The following MYO5A variants were observed in gnomAD, a reference collection of about 807,000 sequenced individuals.
MYO5A encodes the protein myosin VA.
A neutral mutation model predicts 249.7 loss-of-function variants in MYO5A; 98 were observed. The observed-to-expected ratio is 0.39, with a 90% CI of 0.33 to 0.46. The LOEUF (loss-of-function observed/expected upper bound fraction) is 0.46. Ranked by LOEUF, MYO5A falls within the 20% of genes least tolerant of loss-of-function variation. MYO5A has a pLI of 0.98. For missense variants in MYO5A, 1,696 were observed against 2,308.8 expected, an observed-to-expected ratio of 0.73 and a Z score of 5.44; for synonymous variants, 778 against 810.6, an observed-to-expected ratio of 0.96 and a Z score of 0.68.
intron 14 of MYO5A, 22 bp downstream of exon 14, chr15:52,387,807 G>A (rs758173619): frequency 1.3e-6 from 2 of 1,509,558 alleles, no homozygotes; most frequent in South Asian, 2.2e-5. Flanking sequence ...TCCTGGATTA[G>A]AGTAAGCCTA....
In MYO5A at chr15:52,336,547, C is replaced by G; in HGVS notation, c.4324G>C (p.Glu1442Gln). 1 of 1,602,030 alleles carries G rather than the reference C, an allele frequency of 6.2e-7. No homozygotes were observed. ...GTCTTATCCTGTTTTTCAAGTTGTTCCATCAAATCCTAAAGATCAAAAAGA... is the reference window on the plus strand; with the variant it reads ...GTCTTATCCTGTTTTTCAAGTTGTTGCATCAAATCCTAAAGATCAAAAAGA... Reference protein sequence around the residue: ...SLYKRMIDLMEQLEKQDKTVR... With the variant: ...SLYKRMIDLMQQLEKQDKTVR... The change falls in exon 34 of 42, where the codon GAA becomes CAA. Residue 1442 changes from glutamate to glutamine, a missense_variant. Glu to Gln is a conservative substitution (Grantham distance 29). This residue lies in a region of MYO5A where 625 missense variants were observed against 908.1 expected (regional missense o/e 0.69). Transcript: ENST00000399233.
intron 5 of MYO5A, among the ~76,000 whole-genome samples, chr15:52,415,529 C>A (rs1328468723): frequency 3.3e-5 from 5 of 152,128 alleles, no homozygotes; most frequent in Admixed American, 3.3e-4. Flanking sequence ...CAGTTACTGT[C>A]TTTTATGAAC....
chr15:52,412,922 T>C (rs959463945), intron 5 of MYO5A, among the ~76,000 whole-genome samples: 1 of 151,274 alleles, frequency 6.6e-6, no homozygotes, highest in Non-Finnish European at 1.5e-5. Context: ...CCAAGGCGGG[T>C]GGATCACCTG....
chr15:52,371,221 C>T (rs564053516), intron 21 of MYO5A, among the ~76,000 whole-genome samples: 13 of 152,188 alleles, frequency 8.5e-5, no homozygotes, highest in Admixed American at 7.9e-4. Flanking sequence ...GAAAATCTTC[C>T]ATCCCATTTC....
intron 19 of MYO5A, among the ~76,000 whole-genome samples, chr15:52,375,713 T>C (rs2041375623): frequency 6.6e-6 from 1 of 152,244 alleles, no homozygotes; most frequent in Non-Finnish European, 1.5e-5. Context: ...ATGGCCCACA[T>C]TGCCAGATTT....
At chr15:52,318,858 C>T (rs527258994) in intron 39 of MYO5A, among the ~76,000 whole-genome samples, 2 of 152,290 alleles carry the variant, frequency 1.3e-5, no homozygotes, top group African/African-American at 4.8e-5. Flanking sequence ...TGGCAGGGTA[C>T]AGACAGGGAG....
intron 18 of MYO5A, among the ~76,000 whole-genome samples, chr15:52,379,071 C>A (rs1328443641): frequency 1.3e-5 from 2 of 152,224 alleles, no homozygotes; most frequent in Non-Finnish European, 2.9e-5. Flanking sequence ...CCTGCTCTTA[C>A]TCCCTCTTAT....
chr15:52,500,112 G>A (rs1262605008), intron 1 of MYO5A, among the ~76,000 whole-genome samples: 1 of 152,056 alleles, frequency 6.6e-6, no homozygotes, highest in African/African-American at 2.4e-5. Flanking sequence ...TTCCATAGTG[G>A]CTGCATTTTA....
At chr15:52,348,035 T>C (rs1337303840) in intron 29 of MYO5A, among the ~76,000 whole-genome samples, 1 of 152,194 alleles carries the variant, frequency 6.6e-6, no homozygotes, top group Admixed American at 6.5e-5. Flanking sequence ...GCAAATGAGG[T>C]AACTTGATCA....
intron 1 of MYO5A, among the ~76,000 whole-genome samples, chr15:52,486,451 C>A (rs1186821837): frequency 6.6e-6 from 1 of 152,180 alleles, no homozygotes; most frequent in African/African-American, 2.4e-5. Flanking sequence ...ACTGTATCTT[C>A]CTTATTCAAA....
At chr15:52,474,395 A>G (rs1476110624) in intron 1 of MYO5A, among the ~76,000 whole-genome samples, 3 of 152,222 alleles carry the variant, frequency 2.0e-5, no homozygotes, top group East Asian at 1.9e-4. Flanking sequence ...TCTCCTGCCT[A>G]ATTGCCCTGG....
At chr15:52,515,697 C>T (rs1412597191) in intron 1 of MYO5A, among the ~76,000 whole-genome samples, 2 of 152,068 alleles carry the variant, frequency 1.3e-5, no homozygotes, top group African/African-American at 4.8e-5. Context: ...GTTTGGGGGG[C>T]TTGTGAAGAT....
chr15:52,478,508 C>T (rs1216461259), intron 1 of MYO5A, among the ~76,000 whole-genome samples: 4 of 152,204 alleles, frequency 2.6e-5, no homozygotes, highest in Non-Finnish European at 2.9e-5. Context: ...GTCGCTCATG[C>T]TGGGAGCTAT....
chr15:52,483,406 T>C (rs992491668), intron 1 of MYO5A, among the ~76,000 whole-genome samples: 4 of 152,134 alleles, frequency 2.6e-5, no homozygotes, highest in African/African-American at 2.4e-5. Context: ...ACCGTGAGTA[T>C]GGCAAGCACT....
At chr15:52,392,487 C>T (rs888197158) in intron 11 of MYO5A, among the ~76,000 whole-genome samples, 1 of 152,230 alleles carries the variant, frequency 6.6e-6, no homozygotes, top group African/African-American at 2.4e-5. Flanking sequence ...ATGCTTTCAG[C>T]ATAACAAAGT....
In MYO5A at chr15:52,329,905, ATTTTTTTTTTTTTTT is replaced by A. The variant is rs58058940; in HGVS notation, c.4555+433_4555+447del. On this transcript the variant is annotated intron_variant, in intron 35 of 41. Transcript: ENST00000399233. ...AGGCATGTACCACCTCGCCTGGGTA[ATTTTTTTTTTTTTTT>A]TTTTTTTTTTTGGAGAGATGCGGTC... Among the ~76,000 whole-genome samples, 1,195 of 119,768 alleles carry A rather than the reference ATTTTTTTTTTTTTTT, an allele frequency of 1.0e-2. 24 individuals carry two copies. The highest frequency in any genetic ancestry group is 0.045 in the African/African-American group (1,141 of 25,116). 78.6% of individuals were successfully genotyped at this position (119,768 alleles called of 152,430 possible).
intron 8 of MYO5A, 31 bp from the exon 9 acceptor site, chr15:52,405,424 T>A: frequency 6.7e-7 from 1 of 1,485,986 alleles, no homozygotes; most frequent in Non-Finnish European, 9.4e-7. Flanking sequence ...AACAAGTGAT[T>A]AATTTCAGAA....
At chr15:52,435,177 G>A (rs1272528949) in intron 1 of MYO5A, among the ~76,000 whole-genome samples, 1 of 151,686 alleles carries the variant, frequency 6.6e-6, no homozygotes, top group Non-Finnish European at 1.5e-5. Context: ...GTGAACGAAA[G>A]TACAGGTAGA....
At chr15:52,512,642 TG>T (rs1445168244) in intron 1 of MYO5A, among the ~76,000 whole-genome samples, 1 of 152,200 alleles carries the variant, frequency 6.6e-6, no homozygotes, top group African/African-American at 2.4e-5. Flanking sequence ...AATTCTACCC[TG>T]GGCATTTATT....
Sources: allele counts gnomAD v4.1 joint callset (sites outside exome capture counted in the v4.1 genomes callset), GRCh38; gene constraint gnomAD v4.1.1; regional missense constraint gnomAD v4.1.1; transcripts MANE v1.5; gene names NCBI Gene and HGNC (gene_info 2026-07-23, HGNC 2026-07-21).